Variants in BCAS2 observed in about 807,000 individuals in gnomAD.
The protein encoded by BCAS2 is BCAS2 pre-mRNA processing factor.
Under a neutral mutation model 35.3 loss-of-function variants are expected in BCAS2, and 34 were observed. That is an observed-to-expected ratio of 0.96 (90% confidence interval 0.73 to 1.28). The LOEUF is 1.28. BCAS2 is among the 50% of genes most tolerant of loss of function. The pLI, the probability that BCAS2 is intolerant of heterozygous loss-of-function variation, is 0.00. For missense variants in BCAS2, 221 were observed against 268.1 expected, an observed-to-expected ratio of 0.82 and a Z score of 1.23; for synonymous variants, 75 against 91.6, an observed-to-expected ratio of 0.82 and a Z score of 1.03.
chr1:114,577,411 C>A (rs1011676243), intron 2 of BCAS2, among the ~76,000 whole-genome samples: 4 of 151,534 alleles, frequency 2.6e-5, no homozygotes, highest in African/African-American at 9.7e-5. Flanking sequence ...TCGCTCTTGT[C>A]CCCCAGGCTG....
rs749798761 is a variant in BCAS2 at position 114,581,583 on chromosome 1, G to A, written c.9C>T (p.Gly3=). The change falls in exon 1 of 7, where the codon GGC becomes GGT. Residue 3 remains glycine, a synonymous_variant. Transcript: ENST00000369541. MA[G]TGLVAGEVVV... is the part of the protein sequence containing the mutation. ...CAACCTCTCCAGCCACCAAACCTGTGCCCGCCATTCTGAGGACCTCAGGTT... is the reference window on the plus strand; with the variant it reads ...CAACCTCTCCAGCCACCAAACCTGTACCCGCCATTCTGAGGACCTCAGGTT... 1.4e-5 allele frequency: 23 copies of A among 1,596,986 alleles called. No individual in the cohort carries two copies. Among genetic ancestry groups the A allele is most frequent in the South Asian group, 8.8e-5 (8 of 90,418 alleles).
At chr1:114,571,057 A>G (rs1443957858) in intron 4 of BCAS2, among the ~76,000 whole-genome samples, 28 of 150,788 alleles carry the variant, frequency 1.9e-4, no homozygotes, top group Non-Finnish European at 1.5e-5. Context: ...TGGAGTACTT[A>G]GGTTACTTTT....
At chr1:114,575,299 T>G in intron 4 of BCAS2, among the ~76,000 whole-genome samples, 1 of 150,546 alleles carries the variant, frequency 6.6e-6, no homozygotes, top group East Asian at 1.9e-4. Flanking sequence ...GCAATTGTCA[T>G]GCCTCAGCCT....
intron 2 of BCAS2, among the ~76,000 whole-genome samples, chr1:114,578,629 G>C (rs906809115): frequency 1.3e-5 from 2 of 152,056 alleles, no homozygotes; most frequent in Non-Finnish European, 2.9e-5. Context: ...ACCTGGAGTC[G>C]CCCAGTCACT....
At position 114,581,489 on chromosome 1, in the gene BCAS2, C is replaced by G; in HGVS notation, c.93+10G>C. 6.2e-7 allele frequency: 1 copy of G among 1,614,154 alleles called. No homozygotes were observed. The highest frequency in any genetic ancestry group is 2.2e-5 in the East Asian group (1 of 44,872). On this transcript the variant is annotated intron_variant, in intron 1 of 6. Transcript: ENST00000369541. The stretch of plus-strand genomic sequence containing the variant: ...GCAGTGAGTCAGCTACAAAGACACC[C>G]CGCACTCACCGCTTCCCGCACACCA...
chr1:114,581,378 A>T lies in BCAS2; in HGVS notation c.107T>A (p.Val36Glu), dbSNP rs779816217. 3 of 1,614,140 alleles carry T rather than the reference A, an allele frequency of 1.9e-6. No individual in the cohort carries two copies. The African/African-American group carries it at 4.0e-5, about 22-fold the overall frequency. The change falls in exon 2 of 7, where the codon GTG becomes GAG. Residue 36 changes from valine to glutamate, a missense_variant. Physicochemically the swap from Val to Glu is moderately radical, Grantham distance 121. Coordinates refer to ENST00000369541, the MANE Select transcript of BCAS2 (RefSeq NM_005872.3). Reference protein sequence around the residue: ...PGVREAAAALVEEETRRYRPT... With the variant: ...PGVREAAAALEEEETRRYRPT... ...TCGGTATCTGCGAGTTTCCTCCTCC[A>T]CCAGCGCTGCAGCCTAAGAAAGAGA...
chr1:114,580,080 C>A (rs962611867), intron 2 of BCAS2, among the ~76,000 whole-genome samples: 1 of 151,936 alleles, frequency 6.6e-6, no homozygotes, highest in Non-Finnish European at 1.5e-5. Flanking sequence ...GCTACAGGTG[C>A]ATGCCATCAT....
chr1:114,569,666 T>C (rs545424515), intron 6 of BCAS2, among the ~76,000 whole-genome samples: 18 of 147,808 alleles, frequency 1.2e-4, no homozygotes, highest in African/African-American at 3.5e-4. Context: ...CCGTGCCTAT[T>C]TTTTTTTTTT....
intron 3 of BCAS2, 137 bp downstream of exon 3, chr1:114,576,550 AG>A: frequency 1.7e-6 from 1 of 581,556 alleles, no homozygotes; most frequent in East Asian, 3.4e-5. Context: ...GGCCTCCCAA[AG>A]TGCTGGAATT....
At chr1:114,576,861 T>C in intron 2 of BCAS2, 103 bp from the exon 3 acceptor site, 3 of 773,122 alleles carry the variant, frequency 3.9e-6, no homozygotes, top group Non-Finnish European at 6.2e-6. Flanking sequence ...TTATAATGAA[T>C]TGTTTACCTT....
chr1:114,576,639 T>C, intron 3 of BCAS2, 49 bp downstream of exon 3: 1 of 1,434,038 alleles, frequency 7.0e-7, no homozygotes, highest in Non-Finnish European at 9.7e-7. Context: ...CTCAGCTCAT[T>C]ACTGAGTTAC....
rs546951515 is a variant in BCAS2 at position 114,567,613 on chromosome 1, T to G, written c.*517A>C. On this transcript the variant is annotated 3_prime_UTR_variant, in exon 7 of 7. Coordinates refer to ENST00000369541, the MANE Select transcript of BCAS2 (RefSeq NM_005872.3). Reference sequence around the variant, plus strand: ...ATACATCTAGTTCATCTACCTAAAGTGTTCAGAACAATGTTCAGCACATAT... The same window carrying G: ...ATACATCTAGTTCATCTACCTAAAGGGTTCAGAACAATGTTCAGCACATAT... 2 of 152,492 alleles carry G rather than the reference T, an allele frequency of 1.3e-5. No individual in the cohort carries two copies. Among genetic ancestry groups the G allele is most frequent in the Admixed American group, 6.5e-5 (1 of 15,304 alleles). 9.4% of individuals were successfully genotyped at this position (152,492 alleles called of 1,614,324 possible).
chr1:114,575,875 C>A lies in BCAS2; in HGVS notation c.258-124G>T. ...AACTACAGAAGACTAAGGATGTAAA[C>A]CTTGCAATAATAAGAAACCGATATA... On this transcript the variant is annotated intron_variant, in intron 3 of 6. Transcript: ENST00000369541. 1 of 1,059,792 alleles carries A rather than the reference C, an allele frequency of 9.4e-7. No individual in the cohort carries two copies. Among genetic ancestry groups the A allele is most frequent in the Non-Finnish European group, 1.3e-6 (1 of 760,932 alleles). The allele number at this position is 1,059,792 out of a possible 1,614,324, so 65.6% of individuals were successfully genotyped here.
rs71580638 is a variant in BCAS2, at chr1:114,576,222, CCTCTCTCTCT to C, written c.257+456_257+465del. On this transcript the variant is annotated intron_variant, in intron 3 of 6. Coordinates refer to ENST00000369541, the MANE Select transcript of BCAS2 (RefSeq NM_005872.3). ...CTACCCAGTCAGTCCTTCAACACTG[CCTCTCTCTCT>C]CTCTCTCTCTCTCTCTATATATATA... 3.9e-3 allele frequency among the ~76,000 whole-genome samples: 524 copies of C among 135,060 alleles called. 8 individuals carry two copies. Among genetic ancestry groups the C allele is most frequent in the Admixed American group, 4.2e-3 (56 of 13,212 alleles). 88.6% of individuals were successfully genotyped at this position (135,060 alleles called of 152,430 possible). A position where few individuals can be genotyped will look rare whatever the true frequency, so the allele number is the denominator to read the frequency against.
rs34796829 is a variant in BCAS2 at position 114,573,122 on chromosome 1, C to CAAA, written c.420-2375_420-2373dup. 1.4e-3 allele frequency among the ~76,000 whole-genome samples: 9 copies of CAAA among 6,366 alleles called. 2 individuals carry two copies. Among genetic ancestry groups the CAAA allele is most frequent in the African/African-American group, 4.3e-3 (7 of 1,632 alleles). 4.2% of individuals were successfully genotyped at this position (6,366 alleles called of 152,430 possible). A position where few individuals can be genotyped will look rare whatever the true frequency, so the allele number is the denominator to read the frequency against. On this transcript the variant is annotated intron_variant, in intron 4 of 6. Coordinates refer to ENST00000369541, the MANE Select transcript of BCAS2 (RefSeq NM_005872.3). ...CTGTCCCGCCCCCCGCCCCCACCTC[C>CAAA]AAAAAAAAAAAAAAAAAAAAAAAAA...
At chr1:114,570,170 A>C in intron 5 of BCAS2, 98 bp from the exon 6 acceptor site, 1 of 831,550 alleles carries the variant, frequency 1.2e-6, no homozygotes, top group Non-Finnish European at 2.0e-6. Flanking sequence ...ATCCCATGAG[A>C]ACAATATTAT....
intron 3 of BCAS2, among the ~76,000 whole-genome samples, chr1:114,576,249 A>C (rs11102822): frequency 0.34 from 43,471 of 126,562 alleles, 7,344 homozygotes; most frequent in Non-Finnish European, 0.44. Flanking sequence ...CTCTCTCTCT[A>C]TATATATATA....
Position 114,570,716 on chromosome 1 carries a change from C to T in BCAS2, c.454G>A (p.Glu152Lys). The T allele has an allele frequency of 6.3e-7, 1 of 1,591,656 alleles. No homozygotes were observed. Among genetic ancestry groups the T allele is most frequent in the Admixed American group, 1.7e-5 (1 of 58,290 alleles). Residue 152 changes from glutamate (E) to lysine (K), a missense_variant, in exon 5 of 7, where the codon GAA becomes AAA. Transcript: ENST00000369541. The part of the protein sequence containing the change: ...LVHMIEHAQK[E>K]LQKLRKHIQD... ...ACAATTTACCTTAACTTCTGAAGTT[C>T]CTTCTGTGCGTGTTCAATCATATGA...
chr1:114,576,979 A>C (rs1654782535), intron 2 of BCAS2, among the ~76,000 whole-genome samples: 1 of 152,220 alleles, frequency 6.6e-6, no homozygotes, highest in Admixed American at 6.5e-5. Context: ...TAAGGAGCCC[A>C]CAGAGAAAAG....
Sources: allele counts gnomAD v4.1 joint callset (sites outside exome capture counted in the v4.1 genomes callset), GRCh38; gene constraint gnomAD v4.1.1; transcripts MANE v1.5; gene names NCBI Gene and HGNC (gene_info 2026-07-23, HGNC 2026-07-21).